Variants in GPRIN3 observed in about 807,000 individuals in gnomAD.
The protein encoded by GPRIN3 is GPRIN family member 3, also known as G protein-regulated inducer of neurite outgrowth 3.
In GPRIN3, 12 loss-of-function variants were observed where a neutral mutation model predicts 13.7. The ratio of observed to expected loss-of-function variants is 0.87; its 90% CI spans 0.56 to 1.42. The LOEUF (loss-of-function observed/expected upper bound fraction) is 1.42. Among genes scored for constraint, GPRIN3 ranks in the 40% most tolerant of loss-of-function variants. The probability of loss-of-function intolerance (pLI) is 0.00; values close to 1 mark genes in which losing one functional copy is unlikely to be tolerated. For synonymous variants in GPRIN3, 377 were observed against 372.7 expected (o/e 1.01, Z -0.13); for missense variants, 1,009 against 958.7 (o/e 1.05, Z -0.69).
Position 89,249,560 on chromosome 4 carries a change from T to A in GPRIN3, c.551A>T (p.Gln184Leu). 2.5e-6 allele frequency: 4 copies of A among 1,614,150 alleles called. No individual in the cohort carries two copies. Among genetic ancestry groups the A allele is most frequent in the Non-Finnish European group, 3.4e-6 (4 of 1,179,988 alleles). ...VGGVLSSSKD[Q>L]VSCEFPSPET... ...TGGAGAAGGAAACTCACAGGACACCTGATCTTTGCTGCTACTGAGGACGCC... is the reference window on the plus strand; with the variant it reads ...TGGAGAAGGAAACTCACAGGACACCAGATCTTTGCTGCTACTGAGGACGCC... The change falls in exon 2 of 2, where the codon CAG (glutamine) becomes CTG (leucine). Residue 184 changes from glutamine to leucine, a missense_variant. Gln to Leu is a moderately radical substitution (Grantham distance 113). Coordinates refer to ENST00000609438, the MANE Select transcript of GPRIN3 (RefSeq NM_198281.3).
chr4:89,247,735 G>A lies in GPRIN3; in HGVS notation c.*45C>T, dbSNP rs774454170. On this transcript the variant is annotated 3_prime_UTR_variant, in exon 2 of 2. Transcript: ENST00000609438. ...CAAGCTTTGACATAGAGGGACGCAT[G>A]TGAATACCGTAAATTTATACACAAA... The A allele has an allele frequency of 5.7e-5, 88 of 1,545,226 alleles. No individual in the cohort carries two copies. Among genetic ancestry groups the A allele is most frequent in the Non-Finnish European group, 6.4e-5 (73 of 1,141,448 alleles).
Position 89,248,004 on chromosome 4 carries a change from C to G in GPRIN3, c.2107G>C (p.Glu703Gln), listed in dbSNP as rs202023170. The G allele has an allele frequency of 2.5e-6, 4 of 1,614,116 alleles. No homozygotes were observed. The highest frequency in any genetic ancestry group is 1.7e-5 in the Admixed American group (1 of 60,016). Residue 703 changes from glutamate (E) to glutamine (Q), a missense_variant, in exon 2 of 2, where the codon GAG becomes CAG. Glu to Gln is a conservative substitution (Grantham distance 29). Transcript: ENST00000609438. ...TTCTGGATCGCGATTCCCAGGGACT[C>G]TGCGTCCAAGGATGCACCATACACT... ...WEVYGASLDA[E>Q]SLGIAIQNHL...
At chr4:89,277,952 T>C (rs1724138539) in intron 1 of GPRIN3, among the ~76,000 whole-genome samples, 1 of 152,172 alleles carries the variant, frequency 6.6e-6, no homozygotes, top group African/African-American at 2.4e-5. Context: ...TACCTTGTTG[T>C]TTTTCACCAC....
Position 89,241,909 on chromosome 4 carries a change from G to C in GPRIN3, c.*5871C>G, listed in dbSNP as rs762287489. 1.3e-5 allele frequency: 2 copies of C among 152,074 alleles called. No homozygotes were observed. The highest frequency in any genetic ancestry group is 2.9e-5 in the Non-Finnish European group (2 of 67,984). The allele number at this position is 152,074 out of a possible 1,614,324, so 9.4% of individuals were successfully genotyped here. Reference sequence around the variant, plus strand: ...AACTGCTCAAGAGTTTTTCTAAAGAGAGACAATTTTTAAAGCAACAAAGAA... The same window carrying C: ...AACTGCTCAAGAGTTTTTCTAAAGACAGACAATTTTTAAAGCAACAAAGAA... On this transcript the variant is annotated 3_prime_UTR_variant, in exon 2 of 2. Transcript: ENST00000609438.
At chr4:89,287,417 A>G (rs1724453487) in intron 1 of GPRIN3, among the ~76,000 whole-genome samples, 1 of 152,248 alleles carries the variant, frequency 6.6e-6, no homozygotes, top group South Asian at 2.1e-4. Flanking sequence ...AAACTGACCA[A>G]ATTGAACTGT....
At chr4:89,285,980 CTG>C (rs1724400912) in intron 1 of GPRIN3, among the ~76,000 whole-genome samples, 1 of 152,118 alleles carries the variant, frequency 6.6e-6, no homozygotes, top group South Asian at 2.1e-4. Context: ...GTTGCAAAGA[CTG>C]TCAGCTCTCT....
rs1197952002 is a variant in GPRIN3 at position 89,247,494 on chromosome 4, A to T, written c.*286T>A. 1 of 340,042 alleles carries T rather than the reference A, an allele frequency of 2.9e-6. No individual in the cohort carries two copies. Among genetic ancestry groups the T allele is most frequent in the Non-Finnish European group, 5.3e-6 (1 of 188,448 alleles). The allele number at this position is 340,042 out of a possible 1,614,324, so 21.1% of individuals were successfully genotyped here. On this transcript the variant is annotated 3_prime_UTR_variant, in exon 2 of 2. Transcript: ENST00000609438. Reference sequence around the variant, plus strand: ...TACAATAATGCTATTTCTATGAACAACATCATATTTTTAAAAACCCAGTGA... The same window carrying T: ...TACAATAATGCTATTTCTATGAACATCATCATATTTTTAAAAACCCAGTGA...
intron 1 of GPRIN3, among the ~76,000 whole-genome samples, chr4:89,277,162 GC>G (rs1724117213): frequency 6.6e-6 from 1 of 152,102 alleles, no homozygotes; most frequent in Non-Finnish European, 1.5e-5. Context: ...TATTGTAGTG[GC>G]TTTTGGGGTC....
chr4:89,247,044 G>C lies in GPRIN3; in HGVS notation c.*736C>G, dbSNP rs1225246827. The C allele has an allele frequency of 6.6e-6, 1 of 152,104 alleles. No homozygotes were observed. The highest frequency in any genetic ancestry group is 6.5e-5 in the Admixed American group (1 of 15,268). The allele number at this position is 152,104 out of a possible 1,614,324, so 9.4% of individuals were successfully genotyped here. A position where few individuals can be genotyped will look rare whatever the true frequency, so the allele number is the denominator to read the frequency against. The stretch of plus-strand genomic sequence containing the variant: ...AGAGATGCGCCTTGCCTTCAGTGCA[G>C]GAAAATGGGTCTATATAAATCCATG... On this transcript the variant is annotated 3_prime_UTR_variant, in exon 2 of 2. Coordinates refer to ENST00000609438, the MANE Select transcript of GPRIN3 (RefSeq NM_198281.3).
In GPRIN3 at chr4:89,273,511, A is replaced by AC. The variant is rs529478085; in HGVS notation, c.-123-23279dup. ...TTCAAGACCTGGCCAAAATGGTTAA[A>AC]CCCTGTCTCTACTAAAAATACAAAA... is the stretch of plus-strand genomic sequence containing the variant. On this transcript the variant is annotated intron_variant, in intron 1 of 1. Transcript: ENST00000609438. 1.6e-4 allele frequency among the ~76,000 whole-genome samples: 24 copies of AC among 152,252 alleles called. No homozygotes were observed. In the East Asian group the frequency reaches 4.4e-3, roughly 28 times the overall value.
Position 89,249,171 on chromosome 4 carries a change from T to G in GPRIN3, c.940A>C (p.Ser314Arg). 1 of 1,614,238 alleles carries G rather than the reference T, an allele frequency of 6.2e-7. No homozygotes were observed. The highest frequency in any genetic ancestry group is 8.5e-7 in the Non-Finnish European group (1 of 1,180,030). ...ACCTCCGCATCTTGCCAAGCCCTGC[T>G]GGGAACTTCCTTGATTTCACTTTCA... is the stretch of plus-strand genomic sequence containing the variant. Reference protein sequence around the residue: ...QAESEIKEVPSRAWQDAEVQA... With the variant: ...QAESEIKEVPRRAWQDAEVQA... Residue 314 changes from serine to arginine, a missense_variant, in exon 2 of 2, where the codon AGC becomes CGC. Transcript: ENST00000609438.
chr4:89,264,538 G>C (rs1265218075), intron 1 of GPRIN3, among the ~76,000 whole-genome samples: 1 of 152,134 alleles, frequency 6.6e-6, no homozygotes, highest in Non-Finnish European at 1.5e-5. Flanking sequence ...TGCATACTTG[G>C]GGAAGAGAGT....
chr4:89,305,107 C>T (rs935375186), intron 1 of GPRIN3, among the ~76,000 whole-genome samples: 5 of 152,138 alleles, frequency 3.3e-5, no homozygotes, highest in Non-Finnish European at 5.9e-5. Context: ...TTTTGGACTT[C>T]AGTTTGTAGG....
intron 1 of GPRIN3, among the ~76,000 whole-genome samples, chr4:89,296,603 C>T (rs573265511): frequency 6.6e-6 from 1 of 152,212 alleles, no homozygotes; most frequent in South Asian, 2.1e-4. Flanking sequence ...TTTCTAGGTC[C>T]AAAGTCCATA....
In GPRIN3 at chr4:89,248,188, G is replaced by A. The variant is rs1256252611; in HGVS notation, c.1923C>T (p.Phe641=). ...TCACATTTAACTTTTGCTCCTTGAG[G>A]AACTCGCTGACGCGGCTGGGCCTGC... ...SPRRPSRVSE[F]LKEQKLNVTA... The change falls in exon 2 of 2, where the codon TTC becomes TTT. Residue 641 remains phenylalanine, a synonymous_variant. Transcript: ENST00000609438. 6.2e-7 allele frequency: 1 copy of A among 1,614,168 alleles called. No homozygotes were observed. The highest frequency in any genetic ancestry group is 8.5e-7 in the Non-Finnish European group (1 of 1,180,022).
rs757640600 is a variant in GPRIN3, at chr4:89,248,852, G to T, written c.1259C>A (p.Thr420Asn). Residue 420 changes from threonine (T) to asparagine (N), a missense_variant, in exon 2 of 2, where the codon ACC becomes AAC. By Grantham distance (65) the Thr-to-Asn change is moderately conservative. Coordinates refer to ENST00000609438, the MANE Select transcript of GPRIN3 (RefSeq NM_198281.3). ...LASLPGGVLK[T>N]SSINLVSSNA... The stretch of plus-strand genomic sequence containing the variant: ...ACTGGAGACCAAATTGATTGATGAG[G>T]TTTTAAGGACCCCACCTGGTAGGCT... 1 of 1,614,168 alleles carries T rather than the reference G, an allele frequency of 6.2e-7. No individual in the cohort carries two copies. The highest frequency in any genetic ancestry group is 8.5e-7 in the Non-Finnish European group (1 of 1,180,018).
Position 89,267,682 on chromosome 4 carries a change from T to A in GPRIN3, c.-123-17449A>T, listed in dbSNP as rs142335867. Among the ~76,000 whole-genome samples, 4 of 152,368 alleles carry A rather than the reference T, an allele frequency of 2.6e-5. No homozygotes were observed. The East Asian group carries it at 5.8e-4, about 22-fold the overall frequency. ...GCCATATAGATGCCACAGTCTCTTT[T>A]ACTTCTGAATTTAGGATCTATTATC... On this transcript the variant is annotated intron_variant, in intron 1 of 1. Transcript: ENST00000609438.
intron 1 of GPRIN3, among the ~76,000 whole-genome samples, chr4:89,307,089 AT>A (rs1379914242): frequency 2.0e-5 from 3 of 151,796 alleles, no homozygotes; most frequent in Non-Finnish European, 4.4e-5. Flanking sequence ...CTCTACAACG[AT>A]TTCCCTTTAT....
Position 89,251,200 on chromosome 4 carries a change from G to T in GPRIN3, c.-123-967C>A, listed in dbSNP as rs567962398. 3.9e-5 allele frequency: 6 copies of T among 152,204 alleles called. No homozygotes were observed. The East Asian group carries it at 1.2e-3, about 29-fold the overall frequency. 9.4% of individuals were successfully genotyped at this position (152,204 alleles called of 1,614,324 possible). ...GATACGAAATTTAAGTAACCATCAA[G>T]CTTATGAAAAGATGATCAAATTCAT... is the stretch of plus-strand genomic sequence containing the variant. On this transcript the variant is annotated intron_variant, in intron 1 of 1. Transcript: ENST00000609438.
Sources: gnomAD v4.1 joint callset for allele counts (sites outside exome capture counted in the v4.1 genomes callset) on GRCh38, gnomAD v4.1.1 for gene constraint, MANE v1.5 for transcripts, NCBI Gene and HGNC (gene_info 2026-07-23, HGNC 2026-07-21) for gene names.